CFAP95: variants seen among roughly 807,000 people sequenced by gnomAD.
CFAP95 encodes the protein cilia and flagella associated protein 95.
chr9:69,905,745 A>G, the CFAP95 span, among the ~76,000 whole-genome samples: 1 of 152,176 alleles, frequency 6.6e-6, no homozygotes, highest in South Asian at 2.1e-4. Flanking sequence ...ACAACCATGA[A>G]TTATATTCTT....
At chr9:69,839,175 G>C in the CFAP95 span, among the ~76,000 whole-genome samples, 2 of 99,754 alleles carry the variant, frequency 2.0e-5, no homozygotes, top group African/African-American at 7.6e-5. Flanking sequence ...TGTTCATCAA[G>C]GATATTGGTC....
At chr9:69,881,746 G>A in the CFAP95 span, among the ~76,000 whole-genome samples, 1 of 152,082 alleles carries the variant, frequency 6.6e-6, no homozygotes, top group Non-Finnish European at 1.5e-5. Flanking sequence ...TCTGTAGATT[G>A]CTCTGGGTAA....
the CFAP95 span, chr9:69,856,686 C>T: frequency 1.3e-6 from 2 of 1,559,000 alleles, no homozygotes; most frequent in Admixed American, 1.7e-5. Flanking sequence ...ATTCTTAATA[C>T]TTTTCTTTAC....
At chr9:69,885,051 A>G in the CFAP95 span, 1 of 152,154 alleles carries the variant, frequency 6.6e-6, no homozygotes, top group Non-Finnish European at 1.5e-5. Flanking sequence ...TTCTGTTCCC[A>G]GGTACTGCTG....
At chr9:69,830,020 T>A in the CFAP95 span, among the ~76,000 whole-genome samples, 1 of 152,212 alleles carries the variant, frequency 6.6e-6, no homozygotes, top group African/African-American at 2.4e-5. Flanking sequence ...AAGGCAGCGG[T>A]AAGCTGGGCC....
the CFAP95 span, among the ~76,000 whole-genome samples, chr9:69,860,067 C>T: frequency 6.6e-6 from 1 of 152,228 alleles, no homozygotes; most frequent in Non-Finnish European, 1.5e-5. Flanking sequence ...TAGGACATTA[C>T]TAAATACTAC....
chr9:69,830,922 A>C, the CFAP95 span, among the ~76,000 whole-genome samples: 2 of 152,226 alleles, frequency 1.3e-5, no homozygotes, highest in Non-Finnish European at 2.9e-5. Flanking sequence ...GGCCTCCCAA[A>C]GTACTGGGAT....
the CFAP95 span, among the ~76,000 whole-genome samples, chr9:69,890,254 C>T: frequency 1.3e-5 from 2 of 152,136 alleles, no homozygotes; most frequent in South Asian, 2.1e-4. Flanking sequence ...TTAACCATTG[C>T]ATTATATATT....
chr9:69,855,265 T>C, the CFAP95 span, among the ~76,000 whole-genome samples: 9 of 152,246 alleles, frequency 5.9e-5, no homozygotes, highest in African/African-American at 2.2e-4. Flanking sequence ...CTTTGTTTCA[T>C]ATGATTTTCA....
the CFAP95 span, among the ~76,000 whole-genome samples, chr9:69,823,558 A>G: frequency 3.3e-5 from 5 of 152,308 alleles, no homozygotes; most frequent in South Asian, 8.3e-4. Flanking sequence ...TACATGAGGT[A>G]TGATATGTAA....
the CFAP95 span, among the ~76,000 whole-genome samples, chr9:69,871,181 G>A: frequency 6.6e-6 from 1 of 152,006 alleles, no homozygotes; most frequent in African/African-American, 2.4e-5. Context: ...TCGCCACACT[G>A]CATTCCAGCC....
the CFAP95 span, among the ~76,000 whole-genome samples, chr9:69,868,649 G>A: frequency 2.5e-4 from 33 of 133,344 alleles, no homozygotes; most frequent in East Asian, 7.4e-3. Context: ...CAGAGTGAGT[G>A]AGACTCTGTC....
chr9:69,891,561 A>G, the CFAP95 span, among the ~76,000 whole-genome samples: 1 of 151,150 alleles, frequency 6.6e-6, no homozygotes, highest in East Asian at 1.9e-4. Flanking sequence ...ATTGGGTACT[A>G]TGCTTATTAC....
the CFAP95 span, among the ~76,000 whole-genome samples, chr9:69,881,269 GT>G: frequency 1.3e-5 from 2 of 152,148 alleles, no homozygotes; most frequent in Admixed American, 6.5e-5. Context: ...TTTTCCCAAT[GT>G]TTTCTTGTAG....
chr9:69,886,831 C>T, the CFAP95 span: 1 of 1,610,652 alleles, frequency 6.2e-7, no homozygotes, highest in Non-Finnish European at 8.5e-7. Context: ...TGACTTATCC[C>T]TCTTAGGTGT....
At chr9:69,881,067 C>G in the CFAP95 span, among the ~76,000 whole-genome samples, 6 of 151,728 alleles carry the variant, frequency 4.0e-5, no homozygotes, top group Non-Finnish European at 8.8e-5. Context: ...GTAACTAATC[C>G]CTTGTCAGAT....
the CFAP95 span, among the ~76,000 whole-genome samples, chr9:69,877,111 A>G: frequency 6.6e-6 from 1 of 152,214 alleles, no homozygotes; most frequent in Non-Finnish European, 1.5e-5. Flanking sequence ...ATATATACGT[A>G]ATATACATGT....
At chr9:69,831,096 CAA>C in the CFAP95 span, among the ~76,000 whole-genome samples, 3 of 151,990 alleles carry the variant, frequency 2.0e-5, no homozygotes, top group Non-Finnish European at 4.4e-5. Context: ...GATGCATTAA[CAA>C]AGAGAATTAA....
the CFAP95 span, among the ~76,000 whole-genome samples, chr9:69,848,940 C>A: frequency 6.6e-6 from 1 of 152,116 alleles, no homozygotes; most frequent in Non-Finnish European, 1.5e-5. Context: ...AAGAACTAGT[C>A]CTCTAAATGA....
Sources: allele counts gnomAD v4.1 joint callset (sites outside exome capture counted in the v4.1 genomes callset), GRCh38; gene constraint gnomAD v4.1.1; transcripts MANE v1.5; gene names NCBI Gene and HGNC (gene_info 2026-07-23, HGNC 2026-07-21).